Variants in FBLIM1 observed in about 807,000 individuals in gnomAD.
FBLIM1 encodes the protein filamin-binding LIM protein 1.
In FBLIM1, 29 loss-of-function variants were observed where a neutral mutation model predicts 37.4. The observed-to-expected ratio is 0.77, with a 90% CI of 0.58 to 1.06. The LOEUF (loss-of-function observed/expected upper bound fraction) is 1.06, where lower values mean the gene tolerates loss of function less well. Ranked by LOEUF, FBLIM1 falls within the 50% of genes least tolerant of loss-of-function variation. FBLIM1 has a pLI of 0.00. For missense variants in FBLIM1, 449 were observed against 505.6 expected, an observed-to-expected ratio of 0.89 and a Z score of 1.07; for synonymous variants, 193 against 199.0, an observed-to-expected ratio of 0.97 and a Z score of 0.25.
chr1:15,760,153 G>A (rs1246969892), intron 1 of FBLIM1, among the ~76,000 whole-genome samples: 1 of 152,128 alleles, frequency 6.6e-6, no homozygotes, highest in Admixed American at 6.5e-5. Context: ...AACCCAGGAG[G>A]CGGAGGTTGC....
At chr1:15,775,061 AC>A (rs2148620239) in intron 7 of FBLIM1, 1 of 666,522 alleles carries the variant, frequency 1.5e-6, no homozygotes, top group South Asian at 2.2e-5. Context: ...TACTAAAAAT[AC>A]AAAAAAAATT....
At chr1:15,760,334 A>G (rs2068607634) in intron 1 of FBLIM1, among the ~76,000 whole-genome samples, 1 of 152,146 alleles carries the variant, frequency 6.6e-6, no homozygotes, top group Non-Finnish European at 1.5e-5. Context: ...GTTTGAGACC[A>G]GCCTGGTCAA....
intron 7 of FBLIM1, among the ~76,000 whole-genome samples, chr1:15,775,732 C>T (rs1433640442): frequency 1.3e-5 from 2 of 151,984 alleles, no homozygotes; most frequent in Non-Finnish European, 2.9e-5. Flanking sequence ...ATGGAGACGT[C>T]ATTGGATAGG....
intron 1 of FBLIM1, among the ~76,000 whole-genome samples, chr1:15,761,466 G>C (rs1487989340): frequency 6.6e-6 from 1 of 152,168 alleles, no homozygotes; most frequent in Non-Finnish European, 1.5e-5. Flanking sequence ...TATAGTACCT[G>C]GCACAGGGCC....
At chr1:15,763,711 C>T (rs1246931502) in intron 1 of FBLIM1, among the ~76,000 whole-genome samples, 1 of 152,060 alleles carries the variant, frequency 6.6e-6, no homozygotes, top group Non-Finnish European at 1.5e-5. Context: ...GCAATCTTGG[C>T]TCACCACAAC....
In FBLIM1 at chr1:15,765,613, A is replaced by C. The variant is rs1288443520; in HGVS notation, c.250+380A>C. Reference sequence around the variant, plus strand: ...GGGTTCAGTCTCCCTGAAGTGAGATAAGTTTTAGGTGACCAGCTTGGTCAT... The same window carrying C: ...GGGTTCAGTCTCCCTGAAGTGAGATCAGTTTTAGGTGACCAGCTTGGTCAT... On this transcript the variant is annotated intron_variant, in intron 3 of 8. Coordinates refer to ENST00000375766, the MANE Select transcript of FBLIM1 (RefSeq NM_017556.4). This position sits in a 1 kb window ranked among gnomAD's most constrained non-coding sequence, Gnocchi z 5.9. 6.6e-6 allele frequency among the ~76,000 whole-genome samples: 1 copy of C among 151,928 alleles called. No individual in the cohort carries two copies. The highest frequency in any genetic ancestry group is 1.5e-5 in the Non-Finnish European group (1 of 67,984).
chr1:15,776,762 T>C (rs1469252267), intron 7 of FBLIM1, among the ~76,000 whole-genome samples: 1 of 148,996 alleles, frequency 6.7e-6, no homozygotes, highest in East Asian at 2.0e-4. Flanking sequence ...CTCAAGAGGC[T>C]GAGGCAGGAG....
At chr1:15,763,340 G>T (rs2068765434) in intron 1 of FBLIM1, among the ~76,000 whole-genome samples, 1 of 151,874 alleles carries the variant, frequency 6.6e-6, no homozygotes, top group African/African-American at 2.4e-5. Flanking sequence ...AAAGTGCTGG[G>T]ACAGAGTCTC....
rs1297572676 is a variant in FBLIM1 at position 15,770,367 on chromosome 1, C to T, written c.542-42C>T. ...CTGGGTGGTGCCTGGGTACAGTCCT[C>T]ACAGGCTGGGCTGGTGATGGCCTGT... On this transcript the variant is annotated intron_variant, in intron 5 of 8. Transcript: ENST00000375766. The T allele has an allele frequency of 3.8e-6, 6 of 1,597,558 alleles. No individual in the cohort carries two copies. The African/African-American group carries it at 4.0e-5, about 11-fold the overall frequency.
chr1:15,781,782 A>G (rs1335026088), intron 8 of FBLIM1, among the ~76,000 whole-genome samples: 10 of 140,844 alleles, frequency 7.1e-5, no homozygotes, highest in African/African-American at 2.1e-4. Context: ...GCAGTGGTGC[A>G]ATCTCGGCTC....
At chr1:15,766,751 G>A (rs1420996735) in intron 3 of FBLIM1, among the ~76,000 whole-genome samples, 2 of 151,296 alleles carry the variant, frequency 1.3e-5, no homozygotes, top group Admixed American at 6.6e-5. Context: ...TGCCCACCAC[G>A]CCCAGCTAAT....
At position 15,768,551 on chromosome 1, in the gene FBLIM1, C is replaced by T. The variant is rs11811192; in HGVS notation, c.462C>T (p.Val154=). The T allele has an allele frequency of 6.6e-4, 1,056 of 1,605,070 alleles. 3 individuals are homozygous for T. The African/African-American group carries it at 0.013, about 19-fold the overall frequency. Residue 154 remains valine (V), a synonymous_variant, in exon 5 of 9, where the codon GTC becomes GTT. Coordinates refer to ENST00000375766, the MANE Select transcript of FBLIM1 (RefSeq NM_017556.4). ...PPQAPAEGPS[V]QPGPLRPMEE... ...AGGCCCCAGCGGAGGGACCTTCAGT[C>T]CAGCCCGGTCCCCTCAGGCCCATGG...
chr1:15,767,684 C>A, intron 4 of FBLIM1, 121 bp downstream of exon 4: 1 of 501,590 alleles, frequency 2.0e-6, no homozygotes. Context: ...CATTCTTCTG[C>A]TCGGGGGCAG....
intron 7 of FBLIM1, 174 bp downstream of exon 7, chr1:15,774,970 G>A (rs2069422817): frequency 7.1e-6 from 10 of 1,417,102 alleles, no homozygotes; most frequent in Non-Finnish European, 9.5e-6. Flanking sequence ...TGTAATCCCA[G>A]CACTTTGGGA....
chr1:15,771,239 GTTTTTTTTTGT>G (rs1370725648), intron 6 of FBLIM1, among the ~76,000 whole-genome samples: 52 of 89,454 alleles, frequency 5.8e-4, no homozygotes, highest in South Asian at 4.7e-4. Flanking sequence ...CGCCCAGCCT[GTTTTTTTTTGT>G]TTTTTTTTTT....
At chr1:15,756,990 G>A (rs758257393), upstream of FBLIM1, among the ~76,000 whole-genome samples, 2 of 152,156 alleles carry the variant, frequency 1.3e-5, no homozygotes, top group Non-Finnish European at 2.9e-5. Flanking sequence ...AGCCAAAAGC[G>A]CCTGAAAACC....
chr1:15,781,783 A>G (rs2069648610), intron 8 of FBLIM1, among the ~76,000 whole-genome samples: 1 of 145,964 alleles, frequency 6.9e-6, no homozygotes, highest in Non-Finnish European at 1.5e-5. Context: ...CAGTGGTGCA[A>G]TCTCGGCTCA....
rs767145157 is a variant in FBLIM1 at position 15,774,610 on chromosome 1, T to C, written c.712-8T>C. 4.4e-6 allele frequency: 7 copies of C among 1,605,324 alleles called. No homozygotes were observed. The Admixed American group carries it at 8.4e-5, about 19-fold the overall frequency. ...CGTGGATGGTTCTGGCAGTGGCCTC[T>C]GTCCTAGGACACACTGGAGAGGTGC... On this transcript the variant is annotated splice_region_variant and splice_polypyrimidine_tract_variant and intron_variant, in intron 6 of 8. Coordinates refer to ENST00000375766, the MANE Select transcript of FBLIM1 (RefSeq NM_017556.4).
intron 5 of FBLIM1, among the ~76,000 whole-genome samples, chr1:15,769,518 C>T (rs2069099170): frequency 2.0e-5 from 3 of 152,002 alleles, no homozygotes. Flanking sequence ...AACAAAGTGG[C>T]TCCTGGCTGG....
Sources: allele counts gnomAD v4.1 joint callset (sites outside exome capture counted in the v4.1 genomes callset), GRCh38; gene constraint gnomAD v4.1.1; non-coding constraint Gnocchi (gnomAD v3.1); transcripts MANE v1.5; gene names NCBI Gene and HGNC (gene_info 2026-07-23, HGNC 2026-07-21).